ARHGAP10: variants seen among roughly 807,000 people sequenced by gnomAD.
The protein encoded by ARHGAP10 is rho GTPase-activating protein 10.
ARHGAP10 carries 87 observed loss-of-function variants against 108.6 expected under a neutral mutation model. The ratio of observed to expected loss-of-function variants is 0.80; its 90% CI spans 0.67 to 0.96. The LOEUF (loss-of-function observed/expected upper bound fraction) is 0.96, where lower values mean the gene tolerates loss of function less well. Among genes scored for constraint, ARHGAP10 ranks in the 40% least tolerant of loss-of-function variants. The probability of loss-of-function intolerance (pLI) is 0.00; values close to 1 mark genes in which losing one functional copy is unlikely to be tolerated. For missense variants in ARHGAP10, 939 were observed against 954.5 expected (o/e 0.98, Z 0.21); for synonymous variants, 347 against 341.1 (o/e 1.02, Z -0.19).
intron 1 of ARHGAP10, among the ~76,000 whole-genome samples, chr4:147,821,888 A>G (rs1732510823): frequency 6.6e-6 from 1 of 152,232 alleles, no homozygotes; most frequent in African/African-American, 2.4e-5. Context: ...GTGGTTCTGA[A>G]GAAGAAGCAA....
Position 147,992,981 on chromosome 4 carries a change from A to G in ARHGAP10, c.1716+26142A>G, listed in dbSNP as rs529041112. Among the ~76,000 whole-genome samples the G allele has an allele frequency of 3.3e-5, 5 of 152,372 alleles. No individual in the cohort carries two copies. In the East Asian group the frequency reaches 9.6e-4, roughly 29 times the overall value. ...GAAGAAGGCACCTCTGTCTTTCAGG[A>G]CATTATTAGTCATTAGTCATTACTA... On this transcript the variant is annotated intron_variant, in intron 18 of 22. Coordinates refer to ENST00000336498, the MANE Select transcript of ARHGAP10 (RefSeq NM_024605.4).
intron 13 of ARHGAP10, among the ~76,000 whole-genome samples, chr4:147,918,751 T>G (rs1385012083): frequency 6.6e-6 from 1 of 152,196 alleles, no homozygotes; most frequent in African/African-American, 2.4e-5. Flanking sequence ...AAGCTATGAT[T>G]GAGTGAGAAA....
chr4:147,848,684 G>A (rs541826073), intron 4 of ARHGAP10, among the ~76,000 whole-genome samples: 2 of 152,178 alleles, frequency 1.3e-5, no homozygotes, highest in African/African-American at 2.4e-5. Context: ...TATGTGTGAC[G>A]GTTATATTAT....
intron 12 of ARHGAP10, among the ~76,000 whole-genome samples, chr4:147,911,994 CGTGTGTGTGTGTGTGTGT>C (rs36217593): frequency 6.6e-5 from 9 of 135,432 alleles, no homozygotes; most frequent in South Asian, 2.4e-4. Flanking sequence ...AGAACATTCA[CGTGTGTGTGTGTGTGTGT>C]GTGTGTGTGT....
chr4:147,762,691 G>A (rs1207310545), intron 1 of ARHGAP10, among the ~76,000 whole-genome samples: 6 of 148,792 alleles, frequency 4.0e-5, no homozygotes, highest in South Asian at 2.1e-4. Flanking sequence ...CACCACGCCC[G>A]GCTAATTTTT....
In ARHGAP10 at chr4:147,906,688, A is replaced by G. The variant is rs1479359567; in HGVS notation, c.1085A>G (p.Gln362Arg). The part of the protein sequence containing the change: ...MQAFSEEERK[Q>R]WLEALGGKEA... The stretch of plus-strand genomic sequence containing the variant: ...GCATTTTCCGAAGAGGAAAGGAAGC[A>G]GTGGTTGGAAGCTCTGGGTGGAAAG... Residue 362 changes from glutamine (Q) to arginine (R), a missense_variant, in exon 11 of 23, where the codon CAG becomes CGG. Physicochemically the swap from Gln to Arg is conservative, Grantham distance 43. Coordinates refer to ENST00000336498, the MANE Select transcript of ARHGAP10 (RefSeq NM_024605.4). The G allele has an allele frequency of 6.2e-7, 1 of 1,614,198 alleles. No individual in the cohort carries two copies. Among genetic ancestry groups the G allele is most frequent in the South Asian group, 1.1e-5 (1 of 91,080 alleles).
chr4:148,020,865 G>T (rs1578798065), intron 18 of ARHGAP10, among the ~76,000 whole-genome samples: 1 of 152,098 alleles, frequency 6.6e-6, no homozygotes, highest in Admixed American at 6.5e-5. Context: ...AAATCTTGGA[G>T]GAATCACCAC....
chr4:147,922,851 C>G (rs1158610452), intron 13 of ARHGAP10, among the ~76,000 whole-genome samples: 1 of 152,054 alleles, frequency 6.6e-6, no homozygotes, highest in Non-Finnish European at 1.5e-5. Context: ...GTGCATGTGC[C>G]TCATTTGGCA....
intron 3 of ARHGAP10, among the ~76,000 whole-genome samples, chr4:147,832,522 C>G (rs1732993274): frequency 1.3e-5 from 2 of 151,268 alleles, no homozygotes; most frequent in South Asian, 4.2e-4. Flanking sequence ...TGGCGGGCAC[C>G]TGTAATCCTA....
At chr4:148,050,414 C>T (rs1470731566) in intron 20 of ARHGAP10, among the ~76,000 whole-genome samples, 1 of 143,182 alleles carries the variant, frequency 7.0e-6, no homozygotes, top group African/African-American at 2.6e-5. Context: ...CGCTCTGTTG[C>T]CCAGGCTGGA....
chr4:147,857,662 T>C lies in ARHGAP10; in HGVS notation c.486+8T>C. On this transcript the variant is annotated splice_region_variant and intron_variant, in intron 5 of 22. Coordinates refer to ENST00000336498, the MANE Select transcript of ARHGAP10 (RefSeq NM_024605.4). ...GACTCACATTTACAAGAGGTATAAT[T>C]TTTTATTTTTCTGTTACGTTTTCAA... 2.1e-6 allele frequency: 3 copies of C among 1,448,258 alleles called. No individual in the cohort carries two copies. The highest frequency in any genetic ancestry group is 2.7e-6 in the Non-Finnish European group (3 of 1,098,584). 89.7% of individuals were successfully genotyped at this position (1,448,258 alleles called of 1,614,324 possible).
intron 18 of ARHGAP10, among the ~76,000 whole-genome samples, chr4:147,983,502 TC>T (rs947339711): frequency 4.8e-5 from 7 of 144,490 alleles, no homozygotes; most frequent in South Asian, 2.2e-4. Flanking sequence ...TTTTTAAAAT[TC>T]TTTTTTTTTT....
At chr4:147,922,390 TA>T (rs548007269) in intron 13 of ARHGAP10, among the ~76,000 whole-genome samples, 3,142 of 142,218 alleles carry the variant, frequency 0.022, 74 homozygotes, top group African/African-American at 0.063. Flanking sequence ...TTAGTTCCTT[TA>T]AAAAAAAAAA....
intron 1 of ARHGAP10, among the ~76,000 whole-genome samples, chr4:147,794,029 C>T (rs1731222801): frequency 6.6e-6 from 1 of 152,184 alleles, no homozygotes; most frequent in African/African-American, 2.4e-5. Flanking sequence ...GATTGAGTAG[C>T]CTGCTGTTGT....
intron 1 of ARHGAP10, among the ~76,000 whole-genome samples, chr4:147,785,248 G>C (rs754480240): frequency 3.3e-5 from 5 of 151,824 alleles, no homozygotes; most frequent in Non-Finnish European, 5.9e-5. Flanking sequence ...TTTGCTTTTA[G>C]ATTTCCCAGT....
intron 20 of ARHGAP10, among the ~76,000 whole-genome samples, chr4:148,051,771 A>G (rs1206417011): frequency 6.6e-6 from 1 of 152,184 alleles, no homozygotes; most frequent in African/African-American, 2.4e-5. Context: ...GCCTACTCAG[A>G]CTTGATGTCA....
At chr4:148,011,782 C>G (rs1406151808) in intron 18 of ARHGAP10, among the ~76,000 whole-genome samples, 1 of 152,154 alleles carries the variant, frequency 6.6e-6, no homozygotes, top group East Asian at 1.9e-4. Context: ...TTGGAATTAA[C>G]TGTAATCTAT....
chr4:147,887,250 T>A (rs1477697025), intron 10 of ARHGAP10, among the ~76,000 whole-genome samples: 1 of 152,134 alleles, frequency 6.6e-6, no homozygotes, highest in African/African-American at 2.4e-5. Context: ...ACACCCTGCC[T>A]TTCCTCCCTG....
At chr4:147,971,037 G>T (rs1246877913) in intron 18 of ARHGAP10, among the ~76,000 whole-genome samples, 1 of 147,156 alleles carries the variant, frequency 6.8e-6, no homozygotes, top group Non-Finnish European at 1.5e-5. Context: ...AGGTTGCAGT[G>T]AGCTGAGATT....
Sources: gnomAD v4.1 joint callset for allele counts (sites outside exome capture counted in the v4.1 genomes callset) on GRCh38, gnomAD v4.1.1 for gene constraint, MANE v1.5 for transcripts, NCBI Gene and HGNC (gene_info 2026-07-23, HGNC 2026-07-21) for gene names.